Variants in RIPK4 observed in about 807,000 individuals in gnomAD.
RIPK4 encodes receptor-interacting serine/threonine-protein kinase 4.
Under a neutral mutation model 42.9 loss-of-function variants are expected in RIPK4, and 17 were observed. The observed-to-expected ratio is 0.40, with a 90% confidence interval of 0.27 to 0.59. RIPK4 has a LOEUF of 0.59. Ranked by LOEUF, RIPK4 falls within the 20% of genes least tolerant of loss-of-function variation. RIPK4 has a pLI of 0.47. For missense variants in RIPK4, 897 were observed against 1,104.4 expected, an observed-to-expected ratio of 0.81 and a Z score of 2.66; for synonymous variants, 498 against 499.1, an observed-to-expected ratio of 1.00 and a Z score of 0.03.
At chr21:41,754,486 G>A (rs916067236) in intron 2 of RIPK4, among the ~76,000 whole-genome samples, 18 of 152,124 alleles carry the variant, frequency 1.2e-4, no homozygotes, top group Non-Finnish European at 2.1e-4. Flanking sequence ...TCACTTCCTG[G>A]CCAGCACCCA....
chr21:41,760,367 C>T (rs974607674), intron 1 of RIPK4, among the ~76,000 whole-genome samples: 4 of 152,136 alleles, frequency 2.6e-5, no homozygotes, highest in South Asian at 2.1e-4. Flanking sequence ...AAGAAGATGG[C>T]GAACTACCCC....
At chr21:41,756,392 G>A in intron 2 of RIPK4, 133 bp downstream of exon 2, 1 of 1,172,534 alleles carries the variant, frequency 8.5e-7, no homozygotes, top group African/African-American at 1.5e-5. Flanking sequence ...TCGGTTTCAA[G>A]CTCTTTCCTC....
At chr21:41,761,440 C>G (rs2061219965) in intron 1 of RIPK4, among the ~76,000 whole-genome samples, 1 of 152,224 alleles carries the variant, frequency 6.6e-6, no homozygotes, top group Non-Finnish European at 1.5e-5. Context: ...TTGTCTGTTT[C>G]CGATTGCTCA....
chr21:41,746,125 C>A, intron 5 of RIPK4: 1 of 686,440 alleles, frequency 1.5e-6, no homozygotes, highest in East Asian at 2.9e-5. Context: ...TCACAGGGAG[C>A]AGAGCTGCCA....
chr21:41,758,914 G>C (rs1166919530), intron 1 of RIPK4, among the ~76,000 whole-genome samples: 1 of 152,206 alleles, frequency 6.6e-6, no homozygotes, highest in Non-Finnish European at 1.5e-5. Context: ...TGGGTCAAAA[G>C]TCTCAGAATG....
Position 41,755,974 on chromosome 21 carries a change from G to A in RIPK4, c.474+551C>T, listed in dbSNP as rs1192254120. On this transcript the variant is annotated intron_variant, in intron 2 of 7. Coordinates refer to ENST00000332512, the MANE Select transcript of RIPK4 (RefSeq NM_020639.3). The surrounding 1 kb of genome is among the most constrained non-coding windows in gnomAD (Gnocchi z 4.2). ...AGCAAAAGCAAGCTCCATCTCCCAG[G>A]CGTTGCACTAACGCAACACGCTGCC... Among the ~76,000 whole-genome samples the A allele has an allele frequency of 2.0e-5, 3 of 152,158 alleles. No individual in the cohort carries two copies. The highest frequency in any genetic ancestry group is 4.4e-5 in the Non-Finnish European group (3 of 68,028).
intron 1 of RIPK4, among the ~76,000 whole-genome samples, chr21:41,757,684 A>C (rs1005697105): frequency 1.8e-4 from 28 of 151,954 alleles, no homozygotes; most frequent in Admixed American, 4.6e-4. Flanking sequence ...CCAACAGCCA[A>C]ATCCAACCAG....
chr21:41,762,654 C>T (rs1046556063), intron 1 of RIPK4, among the ~76,000 whole-genome samples: 3 of 152,154 alleles, frequency 2.0e-5, no homozygotes, highest in Non-Finnish European at 2.9e-5. Context: ...AGAAAGAACC[C>T]ACCAATTGCT....
rs2061158270 is a variant in RIPK4 at position 41,742,658 on chromosome 21, C to G, written c.1196-661G>C. ...ACCCTGCAACGAGACTCTCCTCCGC[C>G]CTCATGTGAAACGCGTGGGGACTTG... On this transcript the variant is annotated intron_variant, in intron 7 of 7. Transcript: ENST00000332512. The surrounding 1 kb of genome is among the most constrained non-coding windows in gnomAD (Gnocchi z 5.1). Among the ~76,000 whole-genome samples the G allele has an allele frequency of 6.6e-6, 1 of 152,122 alleles. No homozygotes were observed. The highest frequency in any genetic ancestry group is 1.9e-4 in the East Asian group (1 of 5,200).
chr21:41,744,391 G>T (rs948117063), intron 6 of RIPK4, among the ~76,000 whole-genome samples: 1 of 151,782 alleles, frequency 6.6e-6, no homozygotes, highest in Middle Eastern at 3.2e-3. Flanking sequence ...CACAGTGCCG[G>T]GCAGCTCAGA....
In RIPK4 at chr21:41,756,514, CG is replaced by C; in HGVS notation, c.474+10del. ...CTGCCCAGCTCTCTCGGGCACCGTG[CG>C]GCCCCCCACCTTGACGTGGTAGTGG... On this transcript the variant is annotated intron_variant, in intron 2 of 7. Coordinates refer to ENST00000332512, the MANE Select transcript of RIPK4 (RefSeq NM_020639.3). 2 of 1,608,686 alleles carry C rather than the reference CG, an allele frequency of 1.2e-6. No individual in the cohort carries two copies. Among genetic ancestry groups the C allele is most frequent in the Non-Finnish European group, 1.7e-6 (2 of 1,177,976 alleles).
rs753627941 is a variant in RIPK4, at chr21:41,741,771, C to A, written c.1422G>T (p.Pro474=). The part of the protein sequence containing the change: ...PNLSNRRGST[P]LHMAVERRVR... ...CCCTCCTCTCCACGGCCATGTGCAACGGGGTGGAGCCCCTACGGTTGCTCA... is the reference window on the plus strand; with the variant it reads ...CCCTCCTCTCCACGGCCATGTGCAAAGGGGTGGAGCCCCTACGGTTGCTCA... Residue 474 remains proline (P), a synonymous_variant, in exon 8 of 8, where the codon CCG becomes CCT. Transcript: ENST00000332512. The A allele has an allele frequency of 8.1e-6, 13 of 1,611,626 alleles. No individual in the cohort carries two copies. In the African/African-American group the frequency reaches 1.3e-4, roughly 17 times the overall value.
intron 1 of RIPK4, 45 bp from the exon 2 acceptor site, chr21:41,756,861 C>T (rs1202127661): frequency 6.3e-7 from 1 of 1,582,984 alleles, no homozygotes; most frequent in Non-Finnish European, 8.6e-7. Context: ...GGTCACTCAG[C>T]CACAAACATG....
In RIPK4 at chr21:41,751,870, T is replaced by C. The variant is rs1057313098; in HGVS notation, c.475-625A>G. Among the ~76,000 whole-genome samples the C allele has an allele frequency of 9.9e-5, 15 of 152,194 alleles. No homozygotes were observed. The highest frequency in any genetic ancestry group is 3.6e-4 in the African/African-American group (15 of 41,450). On this transcript the variant is annotated intron_variant, in intron 2 of 7. Coordinates refer to ENST00000332512, the MANE Select transcript of RIPK4 (RefSeq NM_020639.3). This position sits in a 1 kb window ranked among gnomAD's most constrained non-coding sequence, Gnocchi z 4.5. ...GGCTGGCTGCTTCAAACACATGTGT[T>C]CGAGTGAAGGTCTGATAAACACCTC...
chr21:41,741,668 G>A lies in RIPK4; in HGVS notation c.1525C>T (p.His509Tyr), dbSNP rs900221137. 1 of 1,613,752 alleles carries A rather than the reference G, an allele frequency of 6.2e-7. No homozygotes were observed. Residue 509 changes from histidine (H) to tyrosine (Y), a missense_variant, in exon 8 of 8, where the codon CAC becomes TAC. His to Tyr is a moderately conservative substitution (Grantham distance 83, BLOSUM62 2). Coordinates refer to ENST00000332512, the MANE Select transcript of RIPK4 (RefSeq NM_020639.3). ...AKDEDQWTALHFAAQNGDESS... is the reference protein window; with the variant it reads ...AKDEDQWTALYFAAQNGDESS... ...TCGTCCCCGTTCTGGGCTGCAAAGTGGAGGGCTGTCCACTGGTCCTCATCC... is the reference window on the plus strand; with the variant it reads ...TCGTCCCCGTTCTGGGCTGCAAAGTAGAGGGCTGTCCACTGGTCCTCATCC...
chr21:41,765,565 C>T (rs1047758420), intron 1 of RIPK4, among the ~76,000 whole-genome samples: 5 of 152,214 alleles, frequency 3.3e-5, no homozygotes, highest in Admixed American at 6.5e-5. Context: ...GCGTCACAGT[C>T]ACGGTATGGG....
chr21:41,756,906 G>T, intron 1 of RIPK4, 90 bp from the exon 2 acceptor site: 1 of 1,398,896 alleles, frequency 7.1e-7, no homozygotes. Context: ...ACCAGCTCCA[G>T]AGGGCTGAGC....
At chr21:41,754,932 G>C (rs1056361318) in intron 2 of RIPK4, among the ~76,000 whole-genome samples, 31 of 152,342 alleles carry the variant, frequency 2.0e-4, no homozygotes, top group Admixed American at 5.2e-4. Flanking sequence ...GAGACTCAGC[G>C]AGAACCAGAG....
intron 1 of RIPK4, among the ~76,000 whole-genome samples, chr21:41,762,397 T>A (rs1256035655): frequency 6.6e-6 from 1 of 152,166 alleles, no homozygotes; most frequent in African/African-American, 2.4e-5. Flanking sequence ...CTTTCCACAC[T>A]GTTTACCATC....
Sources: gnomAD v4.1 joint callset for allele counts (sites outside exome capture counted in the v4.1 genomes callset) on GRCh38, gnomAD v4.1.1 for gene constraint, Gnocchi (gnomAD v3.1) non-coding constraint, MANE v1.5 for transcripts, NCBI Gene and HGNC (gene_info 2026-07-23, HGNC 2026-07-21) for gene names.